The following NME9 variants were observed in gnomAD, a reference collection of about 807,000 sequenced individuals.
The protein encoded by NME9 is thioredoxin domain-containing protein 6.
NME9 carries 48 observed loss-of-function variants against 44.4 expected under a neutral mutation model. That is an observed-to-expected ratio of 1.08 (90% CI 0.86 to 1.37). The LOEUF (loss-of-function observed/expected upper bound fraction) is 1.37. NME9 is among the 40% of genes most tolerant of loss of function. The pLI is 0.00. For synonymous variants in NME9, 139 were observed against 147.1 expected, an observed-to-expected ratio of 0.94 and a Z score of 0.40; for missense variants, 325 against 405.2, an observed-to-expected ratio of 0.80 and a Z score of 1.70.
At chr3:138,315,225 C>T (rs1349325128) in intron 5 of NME9, among the ~76,000 whole-genome samples, 1 of 152,232 alleles carries the variant, frequency 6.6e-6, no homozygotes, top group Non-Finnish European at 1.5e-5. Context: ...TTCTCCTACC[C>T]ACCACTCCAT....
In NME9 at chr3:138,266,799, T is replaced by C. The variant is rs527493209; in HGVS notation, c.746-4213A>G. 2.1e-4 allele frequency among the ~76,000 whole-genome samples: 32 copies of C among 152,274 alleles called. No individual in the cohort carries two copies. The South Asian group carries it at 6.2e-3, about 30-fold the overall frequency. ...CAGGCTGTAGGACCATTCTGTAGAC[T>C]CATAAGGGGCTTGACTGATGGAGTA... On this transcript the variant is annotated intron_variant, in intron 8 of 8. Coordinates refer to the NME9 transcript ENST00000317876.
At chr3:138,326,673 A>G (rs1368807620) in intron 1 of NME9, among the ~76,000 whole-genome samples, 3 of 151,496 alleles carry the variant, frequency 2.0e-5, no homozygotes, top group Non-Finnish European at 4.4e-5. Flanking sequence ...GACCTCAAGT[A>G]ATCTGCCTGC....
chr3:138,309,347 AAG>A (rs1322670956), intron 6 of NME9, among the ~76,000 whole-genome samples: 1 of 152,122 alleles, frequency 6.6e-6, no homozygotes, highest in Non-Finnish European at 1.5e-5. Flanking sequence ...TTTAATCTGA[AAG>A]AAAAAAATAC....
chr3:138,271,250 CTTAT>C (rs1052102826), intron 8 of NME9, among the ~76,000 whole-genome samples: 1 of 152,182 alleles, frequency 6.6e-6, no homozygotes, highest in African/African-American at 2.4e-5. Flanking sequence ...CTTCCCAGGA[CTTAT>C]TTTTTTTAAA....
chr3:138,308,334 A>C (rs1286475043), intron 6 of NME9, among the ~76,000 whole-genome samples: 3 of 152,192 alleles, frequency 2.0e-5, no homozygotes, highest in Non-Finnish European at 4.4e-5. Flanking sequence ...TTATCAACAC[A>C]GTTCCTGAGC....
intron 6 of NME9, among the ~76,000 whole-genome samples, chr3:138,313,847 G>A (rs2052873564): frequency 6.6e-6 from 1 of 152,114 alleles, no homozygotes; most frequent in South Asian, 2.1e-4. Context: ...CTCATATGTG[G>A]GAACTTAAAA....
Position 138,303,497 on chromosome 3 carries a change from G to C in NME9, c.928+10C>G. On this transcript the variant is annotated intron_variant, in intron 10 of 10. Transcript: ENST00000333911. Reference sequence around the variant, plus strand: ...ATTTAATAAAGACCAAGTCTGCCTTGATGACTTACCCTGAGGGGCTTCTGT... The same window carrying C: ...ATTTAATAAAGACCAAGTCTGCCTTCATGACTTACCCTGAGGGGCTTCTGT... 1 of 1,608,160 alleles carries C rather than the reference G, an allele frequency of 6.2e-7. No individual in the cohort carries two copies. The highest frequency in any genetic ancestry group is 1.1e-5 in the South Asian group (1 of 90,948).
chr3:138,318,867 C>T (rs1340054803), intron 3 of NME9, among the ~76,000 whole-genome samples: 1 of 152,134 alleles, frequency 6.6e-6, no homozygotes. Flanking sequence ...ACCCTTTGCT[C>T]TGAAAATGAC....
At chr3:138,286,309 A>AT (rs2050408167) in intron 8 of NME9, among the ~76,000 whole-genome samples, 1 of 152,100 alleles carries the variant, frequency 6.6e-6, no homozygotes, top group Admixed American at 6.6e-5. Context: ...CTCTAAAGTC[A>AT]TTTTTTAACC....
chr3:138,293,488 G>C (rs114705527), intron 8 of NME9, among the ~76,000 whole-genome samples: 6,089 of 151,978 alleles, frequency 0.04, 134 homozygotes, highest in South Asian at 0.098. Context: ...GTGGTGAGCC[G>C]AGATTGCACC....
At chr3:138,327,818 C>T (rs1361269306) in intron 1 of NME9, among the ~76,000 whole-genome samples, 1 of 152,034 alleles carries the variant, frequency 6.6e-6, no homozygotes, top group Non-Finnish European at 1.5e-5. Flanking sequence ...GCATTGTACT[C>T]AGAGCTCTGA....
intron 8 of NME9, among the ~76,000 whole-genome samples, chr3:138,295,393 G>A (rs190641819): frequency 6.6e-6 from 1 of 152,254 alleles, no homozygotes; most frequent in African/African-American, 2.4e-5. Flanking sequence ...CCCCTTCCAT[G>A]CACCTTCTAA....
intron 6 of NME9, among the ~76,000 whole-genome samples, chr3:138,310,670 A>G (rs2052631978): frequency 6.6e-6 from 1 of 152,230 alleles, no homozygotes; most frequent in Admixed American, 6.5e-5. Context: ...CAACAAATGC[A>G]TCAGAGAATA....
intron 8 of NME9, among the ~76,000 whole-genome samples, chr3:138,294,915 T>G (rs1447030557): frequency 6.6e-6 from 1 of 151,684 alleles, no homozygotes; most frequent in East Asian, 1.9e-4. Context: ...TTTTTTTTTT[T>G]GAGATGGAGT....
downstream of NME9, among the ~76,000 whole-genome samples, chr3:138,299,735 C>G (rs2051743193): frequency 6.6e-6 from 1 of 152,200 alleles, no homozygotes; most frequent in South Asian, 2.1e-4. Context: ...CCCTGCCCAG[C>G]TACTTCATCC....
chr3:138,278,271 C>T (rs2049504405), intron 8 of NME9, among the ~76,000 whole-genome samples: 1 of 152,102 alleles, frequency 6.6e-6, no homozygotes, highest in Non-Finnish European at 1.5e-5. Context: ...CTTTGGGAGG[C>T]TGAGGCAGGC....
intron 8 of NME9, 111 bp downstream of exon 8, chr3:138,305,893 A>G (rs893913525): frequency 1.3e-6 from 1 of 759,756 alleles, no homozygotes; most frequent in Non-Finnish European, 2.3e-6. Context: ...TGCTGTTCCT[A>G]TTTTGGTTCT....
chr3:138,275,135 A>G (rs1001298920), intron 8 of NME9, among the ~76,000 whole-genome samples: 1 of 152,228 alleles, frequency 6.6e-6, no homozygotes, highest in Non-Finnish European at 1.5e-5. Context: ...GTTTTAATGA[A>G]TATATTTTAT....
chr3:138,324,890 C>A lies in NME9; in HGVS notation c.74G>T (p.Ser25Ile). The change falls in exon 2 of 11, where the codon AGT (serine) becomes ATT (isoleucine). Residue 25 changes from serine to isoleucine, a missense_variant. Transcript: ENST00000333911. ...TGAATTACCAGTTAGTCCTTTGGAA[C>A]TGAGCATTTCCTCCCAAAGCTCTTG... ...STQELWEEML[S>I]SKGLTVVDVY... The A allele has an allele frequency of 1.2e-6, 2 of 1,613,352 alleles. No homozygotes were observed. The highest frequency in any genetic ancestry group is 1.7e-6 in the Non-Finnish European group (2 of 1,179,302).
Sources: allele counts gnomAD v4.1 joint callset (sites outside exome capture counted in the v4.1 genomes callset), GRCh38; gene constraint gnomAD v4.1.1; transcripts MANE v1.5; gene names NCBI Gene and HGNC (gene_info 2026-07-23, HGNC 2026-07-21).